LPAR1: variants seen among roughly 807,000 people sequenced by gnomAD.
LPAR1 encodes LPA receptor 1.
In LPAR1, 5 loss-of-function variants were observed where a neutral mutation model predicts 23.8. That is an observed-to-expected ratio of 0.21 (90% CI 0.11 to 0.44). LPAR1 has a LOEUF of 0.44. Among genes scored for constraint, LPAR1 ranks in the 20% least tolerant of loss-of-function variants. The pLI is 0.99. For synonymous variants in LPAR1, 160 were observed against 164.7 expected, an observed-to-expected ratio of 0.97 and a Z score of 0.22; for missense variants, 311 against 482.8, an observed-to-expected ratio of 0.64 and a Z score of 3.33.
At chr9:110,955,278 C>G (rs2136930622) in intron 4 of LPAR1, among the ~76,000 whole-genome samples, 1 of 152,200 alleles carries the variant, frequency 6.6e-6, no homozygotes, top group Middle Eastern at 3.4e-3. Flanking sequence ...AGAATGAACA[C>G]AAGTACCTAT....
At chr9:111,025,996 G>A (rs929159491) in intron 2 of LPAR1, among the ~76,000 whole-genome samples, 1 of 152,176 alleles carries the variant, frequency 6.6e-6, no homozygotes, top group African/African-American at 2.4e-5. Flanking sequence ...GCTCAGGACT[G>A]TCTTGGCTAT....
intron 4 of LPAR1, among the ~76,000 whole-genome samples, chr9:110,943,911 C>G (rs976647082): frequency 6.6e-6 from 1 of 151,686 alleles, no homozygotes; most frequent in Middle Eastern, 3.4e-3. Context: ...TGTTTCCCCA[C>G]TGGACATGTT....
At chr9:110,977,525 C>T (rs1479956005) in intron 2 of LPAR1, among the ~76,000 whole-genome samples, 1 of 152,108 alleles carries the variant, frequency 6.6e-6, no homozygotes, top group Non-Finnish European at 1.5e-5. Context: ...TTTTCCCAGG[C>T]CTCACAGGAA....
At chr9:110,979,299 T>C (rs1393235911) in intron 2 of LPAR1, among the ~76,000 whole-genome samples, 1 of 148,176 alleles carries the variant, frequency 6.7e-6, no homozygotes, top group Non-Finnish European at 1.5e-5. Context: ...AAATGTAGAG[T>C]TAAAAAAAAA....
At chr9:111,002,644 T>C (rs2097149025) in intron 2 of LPAR1, among the ~76,000 whole-genome samples, 1 of 152,210 alleles carries the variant, frequency 6.6e-6, no homozygotes, top group Non-Finnish European at 1.5e-5. Flanking sequence ...GTTTGAGAGC[T>C]GAATAGGTAG....
chr9:111,003,409 C>G (rs1449939376), intron 2 of LPAR1, among the ~76,000 whole-genome samples: 1 of 152,084 alleles, frequency 6.6e-6, no homozygotes, highest in Non-Finnish European at 1.5e-5. Flanking sequence ...CAGGGTGGCA[C>G]ACAAATCTAC....
chr9:110,939,192 T>C (rs561526083), intron 5 of LPAR1, among the ~76,000 whole-genome samples: 2 of 152,278 alleles, frequency 1.3e-5, no homozygotes, highest in South Asian at 4.1e-4. Context: ...GAGCATACTG[T>C]AGGAATGGCA....
intron 2 of LPAR1, among the ~76,000 whole-genome samples, chr9:111,012,463 A>ATG (rs1554732468): frequency 7.7e-6 from 1 of 130,452 alleles, no homozygotes; most frequent in Non-Finnish European, 1.7e-5. Flanking sequence ...GCATGTACGC[A>ATG]CGCGCGCACA....
chr9:111,025,602 T>C (rs1474124394), intron 2 of LPAR1, among the ~76,000 whole-genome samples: 1 of 152,220 alleles, frequency 6.6e-6, no homozygotes, highest in African/African-American at 2.4e-5. Flanking sequence ...TTTGGTGTTT[T>C]AGTCATGAAG....
upstream of LPAR1, chr9:111,038,685 C>T: frequency 2.2e-6 from 1 of 454,128 alleles, no homozygotes; most frequent in Non-Finnish European, 4.4e-6. This position sits in a 1 kb window ranked among gnomAD's most constrained non-coding sequence, Gnocchi z 4.4. Flanking sequence ...CTGACCTCTG[C>T]GCCCCCTCCT....
At chr9:110,934,147 G>C (rs1343965083) in intron 5 of LPAR1, among the ~76,000 whole-genome samples, 2 of 152,332 alleles carry the variant, frequency 1.3e-5, no homozygotes, top group East Asian at 1.9e-4. Context: ...GACCTGAGGA[G>C]ACATGGGGTA....
intron 2 of LPAR1, among the ~76,000 whole-genome samples, chr9:110,994,484 A>G (rs1403266804): frequency 6.6e-6 from 1 of 152,180 alleles, no homozygotes; most frequent in Non-Finnish European, 1.5e-5. Context: ...TTGCTTTGTG[A>G]CTATGTTGAA....
chr9:110,977,609 G>T (rs748295032), intron 2 of LPAR1, among the ~76,000 whole-genome samples: 30 of 152,032 alleles, frequency 2.0e-4, no homozygotes, highest in Non-Finnish European at 2.4e-4. Context: ...GAGTCAAATA[G>T]TGACTCATAC....
At position 110,992,721 on chromosome 9, in the gene LPAR1, AC is replaced by A. The variant is rs199695278; in HGVS notation, c.-181-19164del. ...TCTCAAAATAAGCCGAGTAAAATAA[AC>A]CAGACAAAACACAACACTTACTGTA... On this transcript the variant is annotated intron_variant, in intron 2 of 5. Coordinates refer to ENST00000683809, the MANE Select transcript of LPAR1 (RefSeq NM_001351411.2). Among the ~76,000 whole-genome samples, 1,477 of 152,320 alleles carry A rather than the reference AC, an allele frequency of 9.7e-3. 27 individuals carry two copies. Among genetic ancestry groups the A allele is most frequent in the African/African-American group, 0.034 (1,402 of 41,570 alleles).
At chr9:111,014,155 GC>G (rs1000286159) in intron 2 of LPAR1, among the ~76,000 whole-genome samples, 41 of 152,116 alleles carry the variant, frequency 2.7e-4, no homozygotes, top group African/African-American at 9.9e-4. Flanking sequence ...GCTCCTTTCT[GC>G]CAATCTGCCC....
intron 2 of LPAR1, among the ~76,000 whole-genome samples, chr9:110,974,289 A>G (rs1027651096): frequency 1.3e-5 from 2 of 152,232 alleles, no homozygotes; most frequent in African/African-American, 4.8e-5. Flanking sequence ...GATACTTTTC[A>G]TAATAGTAAA....
At chr9:110,956,502 A>T (rs1188176498) in intron 4 of LPAR1, among the ~76,000 whole-genome samples, 1 of 119,930 alleles carries the variant, frequency 8.3e-6, no homozygotes, top group East Asian at 5.1e-4. Context: ...AATACAAAGG[A>T]TCAACCAAAG....
chr9:110,942,115 A>G lies in LPAR1; in HGVS notation c.99T>C (p.Phe33=). The change falls in exon 5 of 6, where the codon TTT becomes TTC. Residue 33 remains phenylalanine (F), a synonymous_variant. Coordinates refer to ENST00000683809, the MANE Select transcript of LPAR1 (RefSeq NM_001351411.2). ...QCFYNESIAF[F]YNRSGKHLAT... is the part of the protein sequence containing the mutation. ...CAAGATGCTTTCCACTTCGGTTATAAAAGAAGGCAATGGACTCGTTGTAGA... is the reference window on the plus strand; with the variant it reads ...CAAGATGCTTTCCACTTCGGTTATAGAAGAAGGCAATGGACTCGTTGTAGA... 2.5e-6 allele frequency: 4 copies of G among 1,614,130 alleles called. No individual in the cohort carries two copies. Among genetic ancestry groups the G allele is most frequent in the Non-Finnish European group, 3.4e-6 (4 of 1,180,002 alleles).
chr9:110,909,763 AGAG>A (rs2092112686), intron 5 of LPAR1, among the ~76,000 whole-genome samples: 1 of 151,328 alleles, frequency 6.6e-6, no homozygotes, highest in African/African-American at 2.4e-5. Flanking sequence ...TTATTTATTT[AGAG>A]AGAGGGTCTG....
Sources: gnomAD v4.1 joint callset for allele counts (sites outside exome capture counted in the v4.1 genomes callset) on GRCh38, gnomAD v4.1.1 for gene constraint, Gnocchi (gnomAD v3.1) non-coding constraint, MANE v1.5 for transcripts, NCBI Gene and HGNC (gene_info 2026-07-23, HGNC 2026-07-21) for gene names.